SETD2: variants seen among roughly 807,000 people sequenced by gnomAD.
The protein encoded by SETD2 is histone-lysine N-methyltransferase SETD2.
In SETD2, 31 loss-of-function variants were observed where a neutral mutation model predicts 242.1. That is an observed-to-expected ratio of 0.13 (90% CI 0.10 to 0.17). SETD2 has a LOEUF of 0.17. Among genes scored for constraint, SETD2 ranks in the 10% least tolerant of loss-of-function variants. SETD2 has a pLI of 1.00. For synonymous variants in SETD2, 1,006 were observed against 1,066.5 expected (o/e 0.94, Z 1.11); for missense variants, 2,481 against 3,046.3 (o/e 0.81, Z 4.37).
intron 1 of SETD2, among the ~76,000 whole-genome samples, chr3:47,151,543 G>C (rs1396646216): frequency 6.6e-6 from 1 of 151,974 alleles, no homozygotes; most frequent in African/African-American, 2.4e-5. Context: ...TTCTCTAAGA[G>C]CATGCCGCGT....
At chr3:47,056,404 G>C (rs2040083642) in intron 15 of SETD2, among the ~76,000 whole-genome samples, 1 of 152,070 alleles carries the variant, frequency 6.6e-6, no homozygotes, top group Non-Finnish European at 1.5e-5. Flanking sequence ...TGGGATTACA[G>C]GTGTGAGCTA....
intron 14 of SETD2, among the ~76,000 whole-genome samples, chr3:47,061,763 G>C (rs1416928610): frequency 6.6e-6 from 1 of 152,146 alleles, no homozygotes; most frequent in Admixed American, 6.5e-5. Context: ...GAGAGCTTCT[G>C]ACTAGATTTA....
chr3:47,136,045 G>A (rs1299716923), intron 1 of SETD2, among the ~76,000 whole-genome samples: 2 of 151,902 alleles, frequency 1.3e-5, no homozygotes, highest in African/African-American at 4.8e-5. Flanking sequence ...CAACTAATAG[G>A]TACTACTTGG....
chr3:47,040,569 A>AATTTTT, intron 17 of SETD2, among the ~76,000 whole-genome samples: 1 of 91,740 alleles, frequency 1.1e-5, no homozygotes, highest in Non-Finnish European at 2.0e-5. Context: ...AGGGAAAAGG[A>AATTTTT]TTTTTTTTTT....
In SETD2 at chr3:47,103,407, T is replaced by A. The variant is rs2042289575; in HGVS notation, c.4856A>T (p.Gln1619Leu). The change falls in exon 7 of 21, where the codon CAA (glutamine) becomes CTA (leucine). Residue 1619 changes from glutamine to leucine, a missense_variant. By Grantham distance (113) the Gln-to-Leu change is moderately radical. Transcript: ENST00000409792. The stretch of plus-strand genomic sequence containing the variant: ...CATGAAACGAGAGCAATTTCCTTTT[T>A]GAGTGGCATCTATTATCTGGGAGAA... ...LKNDEIIDAT[Q>L]KGNCSRFMNH... 1 of 1,611,616 alleles carries A rather than the reference T, an allele frequency of 6.2e-7. No individual in the cohort carries two copies. The highest frequency in any genetic ancestry group is 8.5e-7 in the Non-Finnish European group (1 of 1,177,822).
At chr3:47,139,169 T>C (rs896548054) in intron 1 of SETD2, among the ~76,000 whole-genome samples, 1 of 152,090 alleles carries the variant, frequency 6.6e-6, no homozygotes, top group African/African-American at 2.4e-5. Flanking sequence ...ATTTTTTGTA[T>C]TGCTCGTTTC....
chr3:47,141,728 A>G (rs2043733503), intron 1 of SETD2, among the ~76,000 whole-genome samples: 1 of 152,218 alleles, frequency 6.6e-6, no homozygotes, highest in African/African-American at 2.4e-5. Context: ...CAACAATTCA[A>G]AAAGTTTCTA....
chr3:47,092,624 C>T lies in SETD2; in HGVS notation c.5143-4377G>A, dbSNP rs1306973481. Among the ~76,000 whole-genome samples, 6 of 151,140 alleles carry T rather than the reference C, an allele frequency of 4.0e-5. No individual in the cohort carries two copies. In the South Asian group the frequency reaches 1.3e-3, roughly 32 times the overall value. ...TAGTACTTGAAAATGTATTAAGTACCTAATCATTGCAAGATACTATTTTTT... is the reference window on the plus strand; with the variant it reads ...TAGTACTTGAAAATGTATTAAGTACTTAATCATTGCAAGATACTATTTTTT... On this transcript the variant is annotated intron_variant, in intron 9 of 20. Transcript: ENST00000409792.
At chr3:47,099,280 T>C (rs1232099990) in intron 8 of SETD2, among the ~76,000 whole-genome samples, 1 of 152,194 alleles carries the variant, frequency 6.6e-6, no homozygotes, top group Non-Finnish European at 1.5e-5. Flanking sequence ...AGCTGTGTGC[T>C]TTTCTAGCAT....
At position 47,104,327 on chromosome 3, in the gene SETD2, A is replaced by G. The variant is rs564865616; in HGVS notation, c.4840-904T>C. ...GAAGTTGAGGCAGGAGGATTGCTTC[A>G]GGTCAGAAGTGAGACCAGCCTGGGC... is the stretch of plus-strand genomic sequence containing the variant. On this transcript the variant is annotated intron_variant, in intron 6 of 20. Transcript: ENST00000409792. Among the ~76,000 whole-genome samples, 39 of 152,228 alleles carry G rather than the reference A, an allele frequency of 2.6e-4. 1 individual carries two copies. In the Middle Eastern group the frequency reaches 0.01, roughly 40 times the overall value.
intron 14 of SETD2, among the ~76,000 whole-genome samples, chr3:47,058,465 C>CAAAAA (rs1448864045): frequency 3.9e-5 from 3 of 76,154 alleles, no homozygotes; most frequent in African/African-American, 5.7e-5. Flanking sequence ...AAAAAAAAAA[C>CAAAAA]ACAAAGAGGG....
At chr3:47,113,650 A>G (rs1257219077) in intron 5 of SETD2, among the ~76,000 whole-genome samples, 3 of 152,130 alleles carry the variant, frequency 2.0e-5, no homozygotes, top group Non-Finnish European at 4.4e-5. Context: ...CCTGGCCAAC[A>G]TGGTGAAACA....
chr3:47,055,074 G>A (rs1365507029), intron 15 of SETD2, among the ~76,000 whole-genome samples: 1 of 151,956 alleles, frequency 6.6e-6, no homozygotes, highest in African/African-American at 2.4e-5. Context: ...AGGAAAACAT[G>A]GGATAAAAAA....
At chr3:47,131,441 T>C (rs374569297) in intron 1 of SETD2, among the ~76,000 whole-genome samples, 43 of 152,206 alleles carry the variant, frequency 2.8e-4, no homozygotes, top group East Asian at 1.2e-3. Flanking sequence ...CCTCCCAGGT[T>C]CACGCCATTC....
rs1349322470 is a variant in SETD2, at chr3:47,046,573, T to C, written c.7012A>G (p.Thr2338Ala). Residue 2338 changes from threonine (T) to alanine (A), a missense_variant, in exon 16 of 21, where the codon ACA (threonine) becomes GCA (alanine). Thr to Ala is a moderately conservative substitution (Grantham distance 58). This residue lies in a region of SETD2 where 235 missense variants were observed against 293.9 expected (regional missense o/e 0.80). Coordinates refer to ENST00000409792, the MANE Select transcript of SETD2 (RefSeq NM_014159.7). ...LQYIQGQQIF[T>A]AHPQGVVVQP... The stretch of plus-strand genomic sequence containing the variant: ...ACCACCACTCCTTGTGGATGAGCTG[T>C]GAAAATCTGTTGCCCCTGGATATAC... 2 of 1,613,580 alleles carry C rather than the reference T, an allele frequency of 1.2e-6. No homozygotes were observed. Among genetic ancestry groups the C allele is most frequent in the Admixed American group, 1.7e-5 (1 of 59,970 alleles).
At chr3:47,022,193 T>TCA (rs55972218) in intron 18 of SETD2, among the ~76,000 whole-genome samples, 12,482 of 130,830 alleles carry the variant, frequency 0.095, 706 homozygotes, top group Admixed American at 0.19. Flanking sequence ...CAACAATCTG[T>TCA]CACACACACA....
intron 1 of SETD2, among the ~76,000 whole-genome samples, chr3:47,131,464 C>T (rs1413748485): frequency 6.6e-6 from 1 of 152,100 alleles, no homozygotes; most frequent in African/African-American, 2.4e-5. Context: ...CTGCCTCAGC[C>T]TCCCGAGTAG....
At chr3:47,113,285 C>G (rs1401887719) in intron 5 of SETD2, among the ~76,000 whole-genome samples, 1 of 152,028 alleles carries the variant, frequency 6.6e-6, no homozygotes, top group African/African-American at 2.4e-5. Context: ...CTACTCTTAT[C>G]CCAACTCAAT....
At chr3:47,041,445 C>T (rs779510339) in intron 17 of SETD2, 12 of 388,946 alleles carry the variant, frequency 3.1e-5, no homozygotes, top group South Asian at 1.5e-4. Flanking sequence ...GCCAGGAGTT[C>T]GTGCAGATCA....
Sources: gnomAD v4.1 joint callset for allele counts (sites outside exome capture counted in the v4.1 genomes callset) on GRCh38, gnomAD v4.1.1 for gene constraint, gnomAD v4.1.1 regional missense constraint, MANE v1.5 for transcripts, NCBI Gene and HGNC (gene_info 2026-07-23, HGNC 2026-07-21) for gene names.